DRC11: variants seen among roughly 807,000 people sequenced by gnomAD.
The protein encoded by DRC11 is dynein regulatory complex subunit 11.
At chr2:236,411,493 T>C in the DRC11 span, among the ~76,000 whole-genome samples, 19 of 150,382 alleles carry the variant, frequency 1.3e-4, no homozygotes, top group African/African-American at 3.7e-4. Context: ...TGTGGCAATT[T>C]CTCAGGGATC....
chr2:236,467,257 T>C, the DRC11 span, among the ~76,000 whole-genome samples: 1 of 152,196 alleles, frequency 6.6e-6, no homozygotes, highest in South Asian at 2.1e-4. Context: ...TTTCTCCATT[T>C]CCTTGTCTGC....
chr2:236,458,266 C>A, the DRC11 span, among the ~76,000 whole-genome samples: 2 of 152,140 alleles, frequency 1.3e-5, no homozygotes, highest in Non-Finnish European at 2.9e-5. Context: ...TGACAAAAAT[C>A]GCTATTTCAA....
the DRC11 span, among the ~76,000 whole-genome samples, chr2:236,467,607 C>T: frequency 6.6e-6 from 1 of 152,214 alleles, no homozygotes; most frequent in East Asian, 1.9e-4. Context: ...GTCATTAGGG[C>T]AGCCTGCACC....
the DRC11 span, among the ~76,000 whole-genome samples, chr2:236,354,347 G>A: frequency 2.5e-4 from 31 of 125,986 alleles, no homozygotes; most frequent in Admixed American, 2.4e-3. Flanking sequence ...GTGCATGTGT[G>A]TGTGTGGGGG....
At chr2:236,446,636 C>T in the DRC11 span, among the ~76,000 whole-genome samples, 3,485 of 152,294 alleles carry the variant, frequency 0.023, 132 homozygotes, top group African/African-American at 0.079. This position sits in a 1 kb window ranked among gnomAD's most constrained non-coding sequence, Gnocchi z 6.2. Context: ...GTTCACCAAC[C>T]GTGGTGCCTG....
chr2:236,391,943 C>T, the DRC11 span: 1 of 1,581,244 alleles, frequency 6.3e-7, no homozygotes. This position sits in a 1 kb window ranked among gnomAD's most constrained non-coding sequence, Gnocchi z 4.5. Flanking sequence ...ATCCGCTCCA[C>T]CGCACCCCTC....
chr2:236,347,508 C>CCATATATATATATA, the DRC11 span, among the ~76,000 whole-genome samples: 15 of 107,482 alleles, frequency 1.4e-4, no homozygotes, highest in Non-Finnish European at 2.8e-4. Flanking sequence ...AAAAACTGTG[C>CCATATATATATATA]TATATATATA....
chr2:236,500,110 G>A, the DRC11 span, among the ~76,000 whole-genome samples: 2 of 150,794 alleles, frequency 1.3e-5, no homozygotes, highest in African/African-American at 5.0e-5. The surrounding 1 kb of genome is among the most constrained non-coding windows in gnomAD (Gnocchi z 6.3). Context: ...TGATGATGAT[G>A]ATGATGATGG....
chr2:236,404,425 A>G, the DRC11 span, among the ~76,000 whole-genome samples: 1 of 152,106 alleles, frequency 6.6e-6, no homozygotes. Flanking sequence ...TTCATGCCCT[A>G]AGTCTGCTCC....
the DRC11 span, chr2:236,419,412 TG>T: frequency 3.9e-6 from 5 of 1,289,522 alleles, no homozygotes; most frequent in Non-Finnish European, 5.1e-6. This position sits in a 1 kb window ranked among gnomAD's most constrained non-coding sequence, Gnocchi z 4.8. Flanking sequence ...CGACCCCTTC[TG>T]GGGCATGGTG....
the DRC11 span, among the ~76,000 whole-genome samples, chr2:236,357,845 A>ATACT: frequency 4.4e-5 from 4 of 90,668 alleles, no homozygotes; most frequent in Non-Finnish European, 9.6e-5. Flanking sequence ...ATAAATATGT[A>ATACT]ATATATAAAT....
At chr2:236,389,327 A>G in the DRC11 span, among the ~76,000 whole-genome samples, 24 of 152,200 alleles carry the variant, frequency 1.6e-4, no homozygotes, top group Non-Finnish European at 2.4e-4. Flanking sequence ...CCATGGGCGT[A>G]GGACCCTCGG....
the DRC11 span, among the ~76,000 whole-genome samples, chr2:236,340,822 G>A: frequency 6.6e-6 from 1 of 152,150 alleles, no homozygotes; most frequent in East Asian, 1.9e-4. Context: ...CGTTGATTCT[G>A]GGCAATGTCC....
At chr2:236,420,154 A>C in the DRC11 span, among the ~76,000 whole-genome samples, 4 of 152,164 alleles carry the variant, frequency 2.6e-5, no homozygotes, top group Non-Finnish European at 4.4e-5. This position sits in a 1 kb window ranked among gnomAD's most constrained non-coding sequence, Gnocchi z 4.8. Flanking sequence ...TTGCTGCTAC[A>C]CCAGACGCAT....
the DRC11 span, among the ~76,000 whole-genome samples, chr2:236,459,874 C>T: frequency 2.0e-5 from 3 of 151,912 alleles, no homozygotes; most frequent in South Asian, 2.1e-4. Flanking sequence ...TATACAATAA[C>T]GTAAGAATTG....
At chr2:236,359,189 C>T in the DRC11 span, among the ~76,000 whole-genome samples, 6 of 151,816 alleles carry the variant, frequency 4.0e-5, no homozygotes, top group African/African-American at 1.5e-4. The surrounding 1 kb of genome is among the most constrained non-coding windows in gnomAD (Gnocchi z 4.3). Flanking sequence ...TGCTTTCCTC[C>T]CCTAGTAGAC....
the DRC11 span, among the ~76,000 whole-genome samples, chr2:236,479,186 A>G: frequency 6.6e-6 from 1 of 152,080 alleles, no homozygotes; most frequent in East Asian, 1.9e-4. This position sits in a 1 kb window ranked among gnomAD's most constrained non-coding sequence, Gnocchi z 4.1. Context: ...TTCCATTTGC[A>G]TGGAATATCT....
the DRC11 span, among the ~76,000 whole-genome samples, chr2:236,469,766 C>T: frequency 6.6e-6 from 1 of 152,298 alleles, no homozygotes; most frequent in East Asian, 1.9e-4. The surrounding 1 kb of genome is among the most constrained non-coding windows in gnomAD (Gnocchi z 5.8). Context: ...TCCTCTTTAG[C>T]AACTTTGGTC....
chr2:236,377,730 G>T, the DRC11 span, among the ~76,000 whole-genome samples: 1 of 151,994 alleles, frequency 6.6e-6, no homozygotes, highest in African/African-American at 2.4e-5. The surrounding 1 kb of genome is among the most constrained non-coding windows in gnomAD (Gnocchi z 4.9). Context: ...TTTTTAGGAG[G>T]GTGTTATACT....
Sources: allele counts gnomAD v4.1 joint callset (sites outside exome capture counted in the v4.1 genomes callset), GRCh38; gene constraint gnomAD v4.1.1; non-coding constraint Gnocchi (gnomAD v3.1); transcripts MANE v1.5; gene names NCBI Gene and HGNC (gene_info 2026-07-23, HGNC 2026-07-21).